The following CFAP161 variants were observed in gnomAD, a reference collection of about 807,000 sequenced individuals.
CFAP161 encodes the protein cilia- and flagella-associated protein 161.
CFAP161 carries 25 observed loss-of-function variants against 29.0 expected under a neutral mutation model. The ratio of observed to expected loss-of-function variants is 0.86; its 90% CI spans 0.63 to 1.20. The LOEUF (loss-of-function observed/expected upper bound fraction) is 1.20. CFAP161 is among the 50% of genes most tolerant of loss of function. The pLI is 0.00. For synonymous variants in CFAP161, 116 were observed against 137.4 expected, an observed-to-expected ratio of 0.84 and a Z score of 1.09; for missense variants, 367 against 371.9, an observed-to-expected ratio of 0.99 and a Z score of 0.11.
At chr15:81,105,210 TTTCTCC>T (rs1894355795) in intron 1 of CFAP161, among the ~76,000 whole-genome samples, 1 of 55,998 alleles carries the variant, frequency 1.8e-5, no homozygotes, top group Non-Finnish European at 4.8e-5. Flanking sequence ...CCCCTCCTCC[TTTCTCC>T]CCCACCCTCC....
intron 4 of CFAP161, among the ~76,000 whole-genome samples, chr15:81,139,868 A>G (rs1030656024): frequency 1.3e-5 from 2 of 152,238 alleles, no homozygotes; most frequent in African/African-American, 4.8e-5. Context: ...TCTCAGCAAC[A>G]GTAAGAATGA....
intron 1 of CFAP161, among the ~76,000 whole-genome samples, chr15:81,107,268 A>G (rs1894383483): frequency 6.6e-6 from 1 of 152,210 alleles, no homozygotes; most frequent in Non-Finnish European, 1.5e-5. Context: ...ACGTCATCTT[A>G]CATACATATC....
intron 1 of CFAP161, among the ~76,000 whole-genome samples, chr15:81,106,538 A>G (rs1437478777): frequency 1.3e-5 from 2 of 152,212 alleles, no homozygotes; most frequent in Non-Finnish European, 2.9e-5. Flanking sequence ...AAAGGTTTAC[A>G]ACTCCCTTTG....
chr15:81,148,331 G>C lies in CFAP161; in HGVS notation c.711-7G>C, dbSNP rs1263597713. ...TTCAAACCACAACTGATTCTCTCTTGCTCCAGCACCTATTTTGGAAAGGAG... is the reference window on the plus strand; with the variant it reads ...TTCAAACCACAACTGATTCTCTCTTCCTCCAGCACCTATTTTGGAAAGGAG... On this transcript the variant is annotated splice_region_variant and splice_polypyrimidine_tract_variant and intron_variant, in intron 6 of 6. Transcript: ENST00000286732. The C allele has an allele frequency of 6.2e-7, 1 of 1,603,416 alleles. No homozygotes were observed. Among genetic ancestry groups the C allele is most frequent in the Non-Finnish European group, 8.5e-7 (1 of 1,171,262 alleles).
rs79575105 is a variant in CFAP161, at chr15:81,135,974, C to T, written c.160-542C>T. ...ATGCTGCTATAAAGACACATGCACA[C>T]GTATGTTTATTGAGACCGGTAACTT... On this transcript the variant is annotated intron_variant, in intron 2 of 6. Coordinates refer to ENST00000286732, the MANE Select transcript of CFAP161 (RefSeq NM_173528.4). Among the ~76,000 whole-genome samples, 1,084 of 152,148 alleles carry T rather than the reference C, an allele frequency of 7.1e-3. 20 individuals are homozygous for T. The highest frequency in any genetic ancestry group is 0.024 in the African/African-American group (990 of 41,514).
chr15:81,110,356 T>A (rs573508650), intron 1 of CFAP161, among the ~76,000 whole-genome samples: 44 of 152,288 alleles, frequency 2.9e-4, no homozygotes, highest in African/African-American at 1.1e-3. Flanking sequence ...GGTCTCTATG[T>A]TTTTTGATAT....
At chr15:81,120,353 A>G (rs896392516) in intron 1 of CFAP161, among the ~76,000 whole-genome samples, 15 of 152,224 alleles carry the variant, frequency 9.9e-5, no homozygotes, top group African/African-American at 3.6e-4. Context: ...CAATTCAGAC[A>G]CCTCAAGGAA....
chr15:81,122,471 T>C (rs1894586043), intron 1 of CFAP161, among the ~76,000 whole-genome samples: 1 of 150,442 alleles, frequency 6.6e-6, no homozygotes, highest in South Asian at 2.1e-4. Flanking sequence ...TCAGTGATGT[T>C]GATTTTTTTT....
chr15:81,130,683 G>C (rs1355971858), upstream of CFAP161, among the ~76,000 whole-genome samples: 1 of 152,190 alleles, frequency 6.6e-6, no homozygotes, highest in Non-Finnish European at 1.5e-5. Context: ...CTGGGCAACA[G>C]AGCGAGACTC....
At chr15:81,118,851 T>C (rs1043257287) in intron 1 of CFAP161, among the ~76,000 whole-genome samples, 2 of 145,776 alleles carry the variant, frequency 1.4e-5, no homozygotes, top group African/African-American at 5.0e-5. Context: ...GAAGAAGCAA[T>C]TGCTTCTATT....
At chr15:81,107,753 A>AAAATAAAATAAAATAAAAT (rs1567150527) in intron 1 of CFAP161, among the ~76,000 whole-genome samples, 5 of 152,292 alleles carry the variant, frequency 3.3e-5, no homozygotes, top group East Asian at 1.9e-4. Flanking sequence ...TAAAATAAAT[A>AAAATAAAATAAAATAAAAT]AACAGAGCTG....
intron 1 of CFAP161, among the ~76,000 whole-genome samples, chr15:81,112,805 A>C (rs1418412947): frequency 1.3e-5 from 2 of 152,262 alleles, no homozygotes; most frequent in Non-Finnish European, 2.9e-5. Flanking sequence ...CATAAAAAAG[A>C]AAACAATAGC....
chr15:81,137,158 C>G (rs1894825228), intron 3 of CFAP161, among the ~76,000 whole-genome samples: 1 of 150,852 alleles, frequency 6.6e-6, no homozygotes, highest in African/African-American at 2.4e-5. Flanking sequence ...GGGATTTTCT[C>G]TTTTAAAATT....
chr15:81,148,737 A>G lies in CFAP161; in HGVS notation c.*204A>G. 1 of 456,546 alleles carries G rather than the reference A, an allele frequency of 2.2e-6. No homozygotes were observed. The highest frequency in any genetic ancestry group is 6.2e-5 in the South Asian group (1 of 16,192). 28.3% of individuals were successfully genotyped at this position (456,546 alleles called of 1,614,324 possible). ...TGAAGAAAAACAGCTCTGGAGAATA[A>G]TTAGTATTTGAAAGTGACAAACAAT... On this transcript the variant is annotated 3_prime_UTR_variant, in exon 7 of 7. Coordinates refer to ENST00000286732, the MANE Select transcript of CFAP161 (RefSeq NM_173528.4).
At position 81,143,951 on chromosome 15, in the gene CFAP161, C is replaced by A. The variant is rs537393956; in HGVS notation, c.636+131C>A. On this transcript the variant is annotated intron_variant, in intron 5 of 6. Transcript: ENST00000286732. The stretch of plus-strand genomic sequence containing the variant: ...TCTCTCTTTTCTGTCTTTTTTTTTC[C>A]ATTTATAACACACAGACTTATAGCT... 4.0e-6 allele frequency: 4 copies of A among 991,144 alleles called. No homozygotes were observed. In the South Asian group the frequency reaches 8.9e-5, roughly 22 times the overall value. 61.4% of individuals were successfully genotyped at this position (991,144 alleles called of 1,614,324 possible).
At chr15:81,147,051 C>T (rs1895020874) in intron 5 of CFAP161, among the ~76,000 whole-genome samples, 1 of 151,314 alleles carries the variant, frequency 6.6e-6, no homozygotes, top group Admixed American at 6.6e-5. Flanking sequence ...CTTCCTCTCA[C>T]CTGAGACAAA....
At chr15:81,135,237 A>T (rs774136337) in intron 1 of CFAP161, 33 bp from the exon 2 acceptor site, 34 of 1,461,482 alleles carry the variant, frequency 2.3e-5, no homozygotes, top group Admixed American at 1.1e-4. Flanking sequence ...CATCTATATT[A>T]TTCAGGGCTA....
rs936885799 is a variant in CFAP161 at position 81,148,216 on chromosome 15, A to G, written c.711-122A>G. The G allele has an allele frequency of 6.2e-5, 63 of 1,010,628 alleles. 2 individuals are homozygous for G. In the Admixed American group the frequency reaches 1.2e-3, roughly 19 times the overall value. 62.6% of individuals were successfully genotyped at this position (1,010,628 alleles called of 1,614,324 possible). A position where few individuals can be genotyped will look rare whatever the true frequency, so the allele number is the denominator to read the frequency against. ...CCTGCAAACATGTCCCATTTTAGAGATTCCCTAGGGCTTTATCTAGCAATC... is the reference window on the plus strand; with the variant it reads ...CCTGCAAACATGTCCCATTTTAGAGGTTCCCTAGGGCTTTATCTAGCAATC... On this transcript the variant is annotated intron_variant, in intron 6 of 6. Transcript: ENST00000286732.
intron 2 of CFAP161, among the ~76,000 whole-genome samples, chr15:81,128,594 C>A (rs1327442450): frequency 6.6e-6 from 1 of 152,198 alleles, no homozygotes; most frequent in African/African-American, 2.4e-5. Context: ...TCTGCAATTA[C>A]CTCCTCCATT....
Sources: gnomAD v4.1 joint callset for allele counts (sites outside exome capture counted in the v4.1 genomes callset) on GRCh38, gnomAD v4.1.1 for gene constraint, MANE v1.5 for transcripts, NCBI Gene and HGNC (gene_info 2026-07-23, HGNC 2026-07-21) for gene names.